Variants in PIK3R3 observed in about 807,000 individuals in gnomAD.
PIK3R3 encodes the protein phosphatidylinositol 3-kinase regulatory subunit gamma.
A neutral mutation model predicts 62.9 loss-of-function variants in PIK3R3; 64 were observed. That is an observed-to-expected ratio of 1.02 (90% CI 0.83 to 1.25). The LOEUF (loss-of-function observed/expected upper bound fraction) is 1.25. Among genes scored for constraint, PIK3R3 ranks in the 50% most tolerant of loss-of-function variants. The pLI, the probability that PIK3R3 is intolerant of heterozygous loss-of-function variation, is 0.00. For missense variants in PIK3R3, 614 were observed against 561.6 expected, an observed-to-expected ratio of 1.09 and a Z score of -0.94; for synonymous variants, 165 against 189.0, an observed-to-expected ratio of 0.87 and a Z score of 1.04.
At chr1:46,140,875 T>G in the PIK3R3 span, among the ~76,000 whole-genome samples, 1 of 152,148 alleles carries the variant, frequency 6.6e-6, no homozygotes, top group Non-Finnish European at 1.5e-5. Flanking sequence ...GTTTTTTTGT[T>G]TTTGAGACAG....
intron 3 of PIK3R3, among the ~76,000 whole-genome samples, chr1:46,071,770 G>A (rs2149402970): frequency 7.4e-6 from 1 of 134,818 alleles, no homozygotes; most frequent in African/African-American, 2.8e-5. Flanking sequence ...GCGCGCGCCT[G>A]ATCACAATTT....
At chr1:46,143,740 C>G in the PIK3R3 span, among the ~76,000 whole-genome samples, 15 of 152,276 alleles carry the variant, frequency 9.9e-5, no homozygotes, top group Non-Finnish European at 2.2e-4. Context: ...ACTTTGGCCT[C>G]CCAAAGTTCT....
chr1:46,076,173 G>A (rs142936072), intron 3 of PIK3R3, among the ~76,000 whole-genome samples: 70 of 152,284 alleles, frequency 4.6e-4, no homozygotes, highest in African/African-American at 1.6e-3. Flanking sequence ...AGGTAATCCA[G>A]CCAAATTGAC....
intron 9 of PIK3R3, among the ~76,000 whole-genome samples, chr1:46,045,148 C>T (rs756118766): frequency 1.3e-5 from 2 of 151,998 alleles, no homozygotes; most frequent in Non-Finnish European, 2.9e-5. Flanking sequence ...TCACAAAAAC[C>T]CTAAAGTAGG....
rs1647067413 is a variant in PIK3R3 at position 46,044,778 on chromosome 1, T to G, written c.1188-907A>C. Among the ~76,000 whole-genome samples the G allele has an allele frequency of 6.6e-6, 1 of 152,218 alleles. No homozygotes were observed. The highest frequency in any genetic ancestry group is 6.5e-5 in the Admixed American group (1 of 15,286). Reference sequence around the variant, plus strand: ...CCACATGTGCACAGCCTACTAATAATACTTATTTCACAGTGGTTCTATTCA... The same window carrying G: ...CCACATGTGCACAGCCTACTAATAAGACTTATTTCACAGTGGTTCTATTCA... On this transcript the variant is annotated intron_variant, in intron 9 of 9. Transcript: ENST00000262741. The surrounding 1 kb of genome is among the most constrained non-coding windows in gnomAD (Gnocchi z 4.2).
chr1:46,092,025 T>C (rs978121033), intron 1 of PIK3R3, among the ~76,000 whole-genome samples: 4 of 152,182 alleles, frequency 2.6e-5, no homozygotes, highest in African/African-American at 9.7e-5. Flanking sequence ...GAATGCAGAA[T>C]CTGTGAATAC....
In PIK3R3 at chr1:46,046,539, G is replaced by GTTATA. The variant is rs1557549107; in HGVS notation, c.1016+11_1016+12insTATAA. The GTTATA allele has an allele frequency of 6.4e-7, 1 of 1,570,846 alleles. No homozygotes were observed. The highest frequency in any genetic ancestry group is 8.8e-7 in the Non-Finnish European group (1 of 1,140,512). On this transcript the variant is annotated intron_variant, in intron 8 of 9. Coordinates refer to ENST00000262741, the MANE Select transcript of PIK3R3 (RefSeq NM_003629.4). ...CAAAGCCCTCTGACAGAAAGGTATA[G>GTTATA]AGAGAACTTACTCATCAGCATCCTC...
rs72480607 is a variant in PIK3R3, at chr1:46,101,214, C to T, written c.107-20464G>A. On this transcript the variant is annotated intron_variant, in intron 1 of 9. Coordinates refer to ENST00000262741, the MANE Select transcript of PIK3R3 (RefSeq NM_003629.4). ...AAAATTTGTAAAAACATCCCAAGTG[C>T]GCTGGGCGTGGTGGCTCACGCCTGT... Among the ~76,000 whole-genome samples the T allele has an allele frequency of 1.5e-3, 225 of 148,106 alleles. 1 individual carries two copies. Among genetic ancestry groups the T allele is most frequent in the East Asian group, 0.014 (68 of 4,990 alleles).
chr1:46,134,721 G>A (rs1229256647), upstream of PIK3R3: 1 of 152,246 alleles, frequency 6.6e-6, no homozygotes, highest in African/African-American at 2.4e-5. Context: ...GGTGAAGAGA[G>A]AGGAAGTGTG....
chr1:46,050,062 A>G (rs1283800435), intron 7 of PIK3R3, among the ~76,000 whole-genome samples: 1 of 150,000 alleles, frequency 6.7e-6, no homozygotes, highest in Non-Finnish European at 1.5e-5. Context: ...CAGAGGTTGC[A>G]GTGAGCCGAG....
chr1:46,133,511 C>CAGA (rs1267118387), upstream of PIK3R3, among the ~76,000 whole-genome samples: 3 of 152,324 alleles, frequency 2.0e-5, no homozygotes, highest in Admixed American at 1.3e-4. Context: ...CAGACCTCTT[C>CAGA]ACCTTGCTGG....
intron 3 of PIK3R3, among the ~76,000 whole-genome samples, chr1:46,076,837 T>G (rs1368075811): frequency 6.6e-6 from 1 of 152,212 alleles, no homozygotes; most frequent in Non-Finnish European, 1.5e-5. Flanking sequence ...AATGATCTAT[T>G]GCATGTAAAG....
At chr1:46,107,240 C>T (rs1653303316) in intron 1 of PIK3R3, among the ~76,000 whole-genome samples, 1 of 152,046 alleles carries the variant, frequency 6.6e-6, no homozygotes. Flanking sequence ...ATCCCAGCTA[C>T]TCCGGAGGCT....
chr1:46,094,048 A>C (rs1260164316), intron 1 of PIK3R3, among the ~76,000 whole-genome samples: 1 of 151,796 alleles, frequency 6.6e-6, no homozygotes, highest in Non-Finnish European at 1.5e-5. Context: ...CAGACTGGGC[A>C]ACAGAGTGAG....
chr1:46,084,605 A>G (rs1320474543), intron 1 of PIK3R3, among the ~76,000 whole-genome samples: 1 of 152,170 alleles, frequency 6.6e-6, no homozygotes, highest in Admixed American at 6.6e-5. Flanking sequence ...TAATTCTTCT[A>G]CTTACCCACT....
At chr1:46,095,457 A>C (rs1652028036) in intron 1 of PIK3R3, among the ~76,000 whole-genome samples, 1 of 152,188 alleles carries the variant, frequency 6.6e-6, no homozygotes, top group Non-Finnish European at 1.5e-5. Context: ...CTAAATGATG[A>C]GAACACATGG....
chr1:46,088,282 T>A (rs1413644004), intron 1 of PIK3R3, among the ~76,000 whole-genome samples: 1 of 150,798 alleles, frequency 6.6e-6, no homozygotes, highest in Non-Finnish European at 1.5e-5. Context: ...AAATTACATG[T>A]TACATATATT....
the PIK3R3 span, among the ~76,000 whole-genome samples, chr1:46,154,390 A>C: frequency 1.3e-5 from 2 of 152,060 alleles, no homozygotes; most frequent in Admixed American, 6.6e-5. Flanking sequence ...CAACACAGCG[A>C]GACCCCAACT....
rs1647018290 is a variant in PIK3R3 at position 46,042,702 on chromosome 1, C to G, written c.*971G>C. Reference sequence around the variant, plus strand: ...GCCATCTAAAAGCACTGCATTGCACCTTTTCTTTACTCATACAAACAAGTT... The same window carrying G: ...GCCATCTAAAAGCACTGCATTGCACGTTTTCTTTACTCATACAAACAAGTT... On this transcript the variant is annotated 3_prime_UTR_variant, in exon 10 of 10. Transcript: ENST00000262741. This position sits in a 1 kb window ranked among gnomAD's most constrained non-coding sequence, Gnocchi z 4.3. 4.7e-6 allele frequency: 1 copy of G among 212,398 alleles called. No homozygotes were observed. The highest frequency in any genetic ancestry group is 5.9e-5 in the Admixed American group (1 of 17,058). The allele number at this position is 212,398 out of a possible 1,614,324, so 13.2% of individuals were successfully genotyped here. A position where few individuals can be genotyped will look rare whatever the true frequency, so the allele number is the denominator to read the frequency against.
Sources: allele counts gnomAD v4.1 joint callset (sites outside exome capture counted in the v4.1 genomes callset), GRCh38; gene constraint gnomAD v4.1.1; non-coding constraint Gnocchi (gnomAD v3.1); transcripts MANE v1.5; gene names NCBI Gene and HGNC (gene_info 2026-07-23, HGNC 2026-07-21).